The following CELSR1 variants were observed in gnomAD, a reference collection of about 807,000 sequenced individuals.
The protein encoded by CELSR1 is adhesion G protein-coupled receptor C1.
CELSR1 carries 110 observed loss-of-function variants against 249.1 expected under a neutral mutation model. The ratio of observed to expected loss-of-function variants is 0.44; its 90% CI spans 0.38 to 0.52. CELSR1 has a LOEUF of 0.52. CELSR1 is among the 20% of genes least tolerant of loss of function. The probability of loss-of-function intolerance (pLI) is 0.00; values close to 1 mark genes in which losing one functional copy is unlikely to be tolerated. For missense variants in CELSR1, 4,109 were observed against 4,296.4 expected (o/e 0.96, Z 1.22); for synonymous variants, 2,113 against 1,900.0 (o/e 1.11, Z -2.92).
At chr22:46,508,015 G>A (rs1046691589) in intron 1 of CELSR1, among the ~76,000 whole-genome samples, 7 of 152,184 alleles carry the variant, frequency 4.6e-5, no homozygotes, top group Non-Finnish European at 7.3e-5. Flanking sequence ...TGGTCCCGCC[G>A]GGATAGCCCT....
Position 46,536,856 on chromosome 22 carries a change from C to A in CELSR1, c.315G>T (p.Leu105=). Reference sequence around the variant, plus strand: ...AGCCGGGAAGGTGCGTGCGCGCCCGCAGGCGGCGGCTCAGCGCCGTCGGGG... The same window carrying A: ...AGCCGGGAAGGTGCGTGCGCGCCCGAAGGCGGCGGCTCAGCGCCGTCGGGG... ...RSAPTALSRR[L]RARTHLPGCG... The change falls in exon 1 of 35, where the codon CTG becomes CTT. Residue 105 remains leucine (L), a synonymous_variant. Transcript: ENST00000674500. 8.1e-7 allele frequency: 1 copy of A among 1,232,546 alleles called. No individual in the cohort carries two copies. The highest frequency in any genetic ancestry group is 1.0e-6 in the Non-Finnish European group (1 of 983,326). 76.4% of individuals were successfully genotyped at this position (1,232,546 alleles called of 1,614,324 possible).
rs2080164190 is a variant in CELSR1 at position 46,472,328 on chromosome 22, T to A, written c.3545-7983A>T. Among the ~76,000 whole-genome samples, 1 of 152,188 alleles carries A rather than the reference T, an allele frequency of 6.6e-6. No homozygotes were observed. Among genetic ancestry groups the A allele is most frequent in the Non-Finnish European group, 1.5e-5 (1 of 68,028 alleles). The stretch of plus-strand genomic sequence containing the variant: ...AAGATAAAGGTTATCTGCAATTGTG[T>A]TCCCCATGGTGGGCTCATGCTGTGG... On this transcript the variant is annotated intron_variant, in intron 1 of 34. Coordinates refer to ENST00000674500, the MANE Select transcript of CELSR1 (RefSeq NM_001378328.1). This position sits in a 1 kb window ranked among gnomAD's most constrained non-coding sequence, Gnocchi z 7.0.
chr22:46,454,176 G>A lies in CELSR1; in HGVS notation c.4183+9531C>T, dbSNP rs2079918794. Among the ~76,000 whole-genome samples the A allele has an allele frequency of 6.6e-6, 1 of 152,146 alleles. No individual in the cohort carries two copies. Among genetic ancestry groups the A allele is most frequent in the Non-Finnish European group, 1.5e-5 (1 of 68,016 alleles). Reference sequence around the variant, plus strand: ...GAAGGTGCCAGGGACTAAGGACCAGGTGGCCTCCAGCAGCTGAGGAAGGCA... The same window carrying A: ...GAAGGTGCCAGGGACTAAGGACCAGATGGCCTCCAGCAGCTGAGGAAGGCA... On this transcript the variant is annotated intron_variant, in intron 2 of 34. Transcript: ENST00000674500. The surrounding 1 kb of genome is among the most constrained non-coding windows in gnomAD (Gnocchi z 5.1).
rs2079340117 is a variant in CELSR1 at position 46,411,817 on chromosome 22, G to A, written c.4612-58C>T. The A allele has an allele frequency of 1.2e-6, 2 of 1,604,440 alleles. No individual in the cohort carries two copies. Among genetic ancestry groups the A allele is most frequent in the Non-Finnish European group, 1.7e-6 (2 of 1,175,970 alleles). On this transcript the variant is annotated intron_variant, in intron 5 of 34. Coordinates refer to ENST00000674500, the MANE Select transcript of CELSR1 (RefSeq NM_001378328.1). The surrounding 1 kb of genome is among the most constrained non-coding windows in gnomAD (Gnocchi z 4.2). ...GTTTTCTCCACCAGTGCCCTCAGCAGGCGCACCTGTCACTCATAGAGCGAG... is the reference window on the plus strand; with the variant it reads ...GTTTTCTCCACCAGTGCCCTCAGCAAGCGCACCTGTCACTCATAGAGCGAG...
chr22:46,442,359 G>A (rs553470264), intron 2 of CELSR1, among the ~76,000 whole-genome samples: 96 of 151,834 alleles, frequency 6.3e-4, no homozygotes, highest in African/African-American at 2.3e-3. Flanking sequence ...GGTGGACACA[G>A]TGACCATCAG....
Position 46,413,004 on chromosome 22 carries a change from G to A in CELSR1, c.4612-1245C>T, listed in dbSNP as rs933254126. Among the ~76,000 whole-genome samples the A allele has an allele frequency of 6.6e-6, 1 of 152,118 alleles. No individual in the cohort carries two copies. Among genetic ancestry groups the A allele is most frequent in the African/African-American group, 2.4e-5 (1 of 41,408 alleles). On this transcript the variant is annotated intron_variant, in intron 5 of 34. Transcript: ENST00000674500. The surrounding 1 kb of genome is among the most constrained non-coding windows in gnomAD (Gnocchi z 4.7). ...AACCTTTTCTTCCAGTCCCAGCAGGGTCCCTCCCACCACCCCTATAAAGGA... is the reference window on the plus strand; with the variant it reads ...AACCTTTTCTTCCAGTCCCAGCAGGATCCCTCCCACCACCCCTATAAAGGA...
Position 46,536,708 on chromosome 22 carries a change from C to A in CELSR1, c.463G>T (p.Ala155Ser). 1 of 1,127,488 alleles carries A rather than the reference C, an allele frequency of 8.9e-7. No homozygotes were observed. The highest frequency in any genetic ancestry group is 3.9e-4 in the Middle Eastern group (1 of 2,596). The allele number at this position is 1,127,488 out of a possible 1,614,324, so 69.8% of individuals were successfully genotyped here. A position where few individuals can be genotyped will look rare whatever the true frequency, so the allele number is the denominator to read the frequency against. Residue 155 changes from alanine to serine, a missense_variant, in exon 1 of 35, where the codon GCC becomes TCC. Ala to Ser is a moderately conservative substitution (Grantham distance 99). Transcript: ENST00000674500. ...SALAAPTTLP[A>S]CRCPPRPRPR... The stretch of plus-strand genomic sequence containing the variant: ...CTGGGGCGCGGCGGGCAGCGGCAGG[C>A]GGGTAAGGTGGTCGGAGCTGCGAGC...
rs574106146 is a variant in CELSR1, at chr22:46,500,785, C to T, written c.3544+32842G>A. ...CACCGTGTCCCCACAACTGGAGCTGCCCGGGAGGCCAGCAGCAGGTCAGGC... is the reference window on the plus strand; with the variant it reads ...CACCGTGTCCCCACAACTGGAGCTGTCCGGGAGGCCAGCAGCAGGTCAGGC... On this transcript the variant is annotated intron_variant, in intron 1 of 34. Transcript: ENST00000674500. This position sits in a 1 kb window ranked among gnomAD's most constrained non-coding sequence, Gnocchi z 4.9. 2.6e-5 allele frequency among the ~76,000 whole-genome samples: 4 copies of T among 152,272 alleles called. No individual in the cohort carries two copies. The highest frequency in any genetic ancestry group is 9.6e-5 in the African/African-American group (4 of 41,548).
intron 1 of CELSR1, among the ~76,000 whole-genome samples, chr22:46,501,586 C>T (rs1384290770): frequency 2.0e-5 from 3 of 152,210 alleles, no homozygotes; most frequent in African/African-American, 2.4e-5. Flanking sequence ...TAGGAACCTA[C>T]GGAAACACGC....
At chr22:46,378,509 G>T in intron 23 of CELSR1, 82 bp downstream of exon 23, 1 of 1,474,782 alleles carries the variant, frequency 6.8e-7, no homozygotes. Context: ...GGGCAGGTTT[G>T]GCGGGGAGGT....
chr22:46,475,695 A>C (rs1427049323), intron 1 of CELSR1, among the ~76,000 whole-genome samples: 1 of 152,154 alleles, frequency 6.6e-6, no homozygotes, highest in East Asian at 1.9e-4. Flanking sequence ...GAAGCTACGA[A>C]GATATCTAAA....
chr22:46,496,743 C>T (rs926248030), intron 1 of CELSR1, among the ~76,000 whole-genome samples: 13 of 152,050 alleles, frequency 8.5e-5, no homozygotes, highest in East Asian at 1.9e-4. Context: ...CTTGTCCCAT[C>T]GGGAAGTCTT....
intron 1 of CELSR1, among the ~76,000 whole-genome samples, chr22:46,491,121 C>T (rs1470455972): frequency 1.3e-5 from 2 of 152,106 alleles, no homozygotes; most frequent in Non-Finnish European, 1.5e-5. Context: ...CAGCATCCCC[C>T]ACCTCCACCT....
At chr22:46,438,704 A>G (rs2147461543) in intron 3 of CELSR1, among the ~76,000 whole-genome samples, 1 of 152,260 alleles carries the variant, frequency 6.6e-6, no homozygotes, top group Non-Finnish European at 1.5e-5. Context: ...GGGAGCAGGG[A>G]AGGGGCTGAA....
At chr22:46,463,631 G>A (rs1364967610) in intron 2 of CELSR1, 76 bp downstream of exon 2, 1 of 1,413,888 alleles carries the variant, frequency 7.1e-7, no homozygotes, top group African/African-American at 1.4e-5. Context: ...GAAGTAAACA[G>A]AGGAAACCAC....
In CELSR1 at chr22:46,471,422, T is replaced by C. The variant is rs1173253017; in HGVS notation, c.3545-7077A>G. 1.3e-5 allele frequency among the ~76,000 whole-genome samples: 2 copies of C among 152,038 alleles called. No individual in the cohort carries two copies. The highest frequency in any genetic ancestry group is 4.8e-5 in the African/African-American group (2 of 41,406). ...TTGCTTGTTTTGAGACAGAGTCTCA[T>C]TCTGTGGCCCAGGCTGGAATGCAGT... On this transcript the variant is annotated intron_variant, in intron 1 of 34. Transcript: ENST00000674500. The surrounding 1 kb of genome is among the most constrained non-coding windows in gnomAD (Gnocchi z 4.9).
At chr22:46,367,346 C>T (rs1348719162) in intron 28 of CELSR1, among the ~76,000 whole-genome samples, 1 of 152,256 alleles carries the variant, frequency 6.6e-6, no homozygotes, top group East Asian at 1.9e-4. Flanking sequence ...GTGCTGGAGG[C>T]AGTGAGGGCC....
rs1181305075 is a variant in CELSR1, at chr22:46,369,232, A to G, written c.7899T>C (p.Ser2633=). The change falls in exon 27 of 35, where the codon TCT becomes TCC. Residue 2633 remains serine (S), a synonymous_variant. Coordinates refer to ENST00000674500, the MANE Select transcript of CELSR1 (RefSeq NM_001378328.1). ...GCTTTCTTTGGCAGGAAACCTTTGCAGATAGGACAGAAGTGACTGTGTTGA... is the reference window on the plus strand; with the variant it reads ...GCTTTCTTTGGCAGGAAACCTTTGCGGATAGGACAGAAGTGACTGTGTTGA... The part of the protein sequence containing the change: ...IIINTVTSVL[S]AKVSCQRKHH... The G allele has an allele frequency of 1.2e-6, 2 of 1,613,932 alleles. No individual in the cohort carries two copies. The highest frequency in any genetic ancestry group is 2.2e-5 in the South Asian group (2 of 91,080).
In CELSR1 at chr22:46,441,264, G is replaced by A. The variant is rs190024515; in HGVS notation, c.4184-1853C>T. Among the ~76,000 whole-genome samples the A allele has an allele frequency of 5.2e-4, 79 of 152,140 alleles. No homozygotes were observed. Among genetic ancestry groups the A allele is most frequent in the Non-Finnish European group, 8.4e-4 (57 of 68,006 alleles). ...CCCTTCAAATGGCAGCATCTTCCTG[G>A]AGCCCAGACCTCGCTGGAGTCCCCA... On this transcript the variant is annotated intron_variant, in intron 2 of 34. Coordinates refer to ENST00000674500, the MANE Select transcript of CELSR1 (RefSeq NM_001378328.1). This position sits in a 1 kb window ranked among gnomAD's most constrained non-coding sequence, Gnocchi z 6.1.
Sources: allele counts gnomAD v4.1 joint callset (sites outside exome capture counted in the v4.1 genomes callset), GRCh38; gene constraint gnomAD v4.1.1; non-coding constraint Gnocchi (gnomAD v3.1); transcripts MANE v1.5; gene names NCBI Gene and HGNC (gene_info 2026-07-23, HGNC 2026-07-21).